PSAT1: variants seen among roughly 807,000 people sequenced by gnomAD.
PSAT1 encodes the protein phosphoserine aminotransferase 1.
PSAT1 carries 41 observed loss-of-function variants against 40.3 expected under a neutral mutation model. The observed-to-expected ratio is 1.02, with a 90% confidence interval of 0.79 to 1.32. The LOEUF is 1.32. PSAT1 is among the 40% of genes most tolerant of loss of function. The pLI, the probability that PSAT1 is intolerant of heterozygous loss-of-function variation, is 0.00. For synonymous variants in PSAT1, 147 were observed against 170.5 expected (o/e 0.86, Z 1.07); for missense variants, 406 against 455.8 (o/e 0.89, Z 0.99).
chr9:78,306,579 T>C (rs1828187965), intron 5 of PSAT1, 93 bp downstream of exon 5: 1 of 1,507,748 alleles, frequency 6.6e-7, no homozygotes. Flanking sequence ...ACCATGGGTG[T>C]TTGAGGCCTG....
chr9:78,324,556 T>C (rs545191706), intron 7 of PSAT1, among the ~76,000 whole-genome samples: 2 of 152,156 alleles, frequency 1.3e-5, no homozygotes, highest in South Asian at 2.1e-4. Context: ...ACTCCAGGGA[T>C]TGATTGCTCA....
At chr9:78,313,886 G>C (rs1196628183) in intron 6 of PSAT1, among the ~76,000 whole-genome samples, 2 of 152,110 alleles carry the variant, frequency 1.3e-5, no homozygotes, top group Admixed American at 1.3e-4. Flanking sequence ...GCCTCAAGCT[G>C]TCCTCCCACA....
intron 3 of PSAT1, 149 bp from the exon 4 acceptor site, chr9:78,304,586 T>C (rs1212394583): frequency 2.6e-6 from 2 of 772,662 alleles, no homozygotes; most frequent in Non-Finnish European, 4.5e-6. Flanking sequence ...AATAAATGAG[T>C]GAATTAGGGA....
chr9:78,329,125 A>T lies in PSAT1; in HGVS notation c.*39A>T, dbSNP rs375713892. The T allele has an allele frequency of 2.8e-6, 4 of 1,444,250 alleles. No homozygotes were observed. The highest frequency in any genetic ancestry group is 3.9e-6 in the Non-Finnish European group (4 of 1,027,116). The allele number at this position is 1,444,250 out of a possible 1,614,324, so 89.5% of individuals were successfully genotyped here. On this transcript the variant is annotated 3_prime_UTR_variant, in exon 9 of 9. Transcript: ENST00000376588. ...AGGATATACTCTGTTCTTGAACAAC[A>T]TACAAAGTTTAAAGTAACTTGGGGA...
chr9:78,326,119 TC>T (rs1362613934), intron 7 of PSAT1, among the ~76,000 whole-genome samples: 2 of 152,208 alleles, frequency 1.3e-5, no homozygotes, highest in East Asian at 3.9e-4. Flanking sequence ...CATATTTGTT[TC>T]CCCCTTTGGC....
chr9:78,313,732 A>G (rs1828300374), intron 6 of PSAT1, among the ~76,000 whole-genome samples: 1 of 152,042 alleles, frequency 6.6e-6, no homozygotes. Context: ...GAAACCGCAA[A>G]CTCGTAGGCT....
intron 1 of PSAT1, among the ~76,000 whole-genome samples, chr9:78,300,170 C>T (rs963977212): frequency 3.3e-5 from 5 of 152,178 alleles, no homozygotes; most frequent in Admixed American, 2.6e-4. Context: ...TTCCTGCCCA[C>T]CCCACGCTTC....
In PSAT1 at chr9:78,313,331, C is replaced by T. The variant is rs543529511; in HGVS notation, c.741-4345C>T. On this transcript the variant is annotated intron_variant, in intron 6 of 8. Coordinates refer to ENST00000376588, the MANE Select transcript of PSAT1 (RefSeq NM_058179.4). ...AGTGAGCTGAGATCGTGCCACTGCA[C>T]TCCAGCCGGGGTGACAGCAAAACTC... Among the ~76,000 whole-genome samples, 98 of 152,340 alleles carry T rather than the reference C, an allele frequency of 6.4e-4. 1 individual carries two copies. Among genetic ancestry groups the T allele is most frequent in the African/African-American group, 2.3e-3 (96 of 41,580 alleles).
At chr9:78,307,381 A>T (rs72743783) in intron 5 of PSAT1, among the ~76,000 whole-genome samples, 3,465 of 152,360 alleles carry the variant, frequency 0.023, 68 homozygotes, top group South Asian at 0.04. Flanking sequence ...AGGTTCGTCC[A>T]TGTTGTACTG....
intron 7 of PSAT1, among the ~76,000 whole-genome samples, chr9:78,324,386 T>C (rs368209518): frequency 2.6e-4 from 40 of 152,248 alleles, no homozygotes; most frequent in African/African-American, 9.4e-4. Context: ...TGGTTCCCAC[T>C]TGGACTTTCT....
intron 4 of PSAT1, 72 bp from the exon 5 acceptor site, chr9:78,306,242 G>A: frequency 6.5e-7 from 1 of 1,538,892 alleles, no homozygotes; most frequent in Non-Finnish European, 9.0e-7. Context: ...TCAGTCTCCT[G>A]GTTGACTCCC....
intron 7 of PSAT1, among the ~76,000 whole-genome samples, chr9:78,325,375 C>T (rs1436554672): frequency 6.6e-6 from 1 of 152,234 alleles, no homozygotes; most frequent in Non-Finnish European, 1.5e-5. Context: ...GATTACTCCT[C>T]ATTGCTCAAG....
chr9:78,302,788 G>C (rs116713438), intron 3 of PSAT1, among the ~76,000 whole-genome samples: 4,178 of 149,750 alleles, frequency 0.028, 165 homozygotes, highest in African/African-American at 0.088. Context: ...ACTTAGTCCT[G>C]CTGAATCAGA....
At chr9:78,327,931 GT>G in intron 7 of PSAT1, 119 bp from the exon 8 acceptor site, 1 of 1,151,292 alleles carries the variant, frequency 8.7e-7, no homozygotes, top group Non-Finnish European at 1.3e-6. Flanking sequence ...TTTGTTTTTT[GT>G]TTTTTAAAAA....
chr9:78,329,204 ATTC>A lies in PSAT1; in HGVS notation c.*124_*126del. 1 of 764,340 alleles carries A rather than the reference ATTC, an allele frequency of 1.3e-6. No individual in the cohort carries two copies. Among genetic ancestry groups the A allele is most frequent in the Non-Finnish European group, 2.3e-6 (1 of 439,346 alleles). The allele number at this position is 764,340 out of a possible 1,614,324, so 47.3% of individuals were successfully genotyped here. The stretch of plus-strand genomic sequence containing the variant: ...TCTCAAATGAACATGTTTATTGCAG[ATTC>A]TTCTTTTTTGAAAGAACAACAGCAA... On this transcript the variant is annotated 3_prime_UTR_variant, in exon 9 of 9. Transcript: ENST00000376588.
chr9:78,318,174 T>C (rs981791342), intron 7 of PSAT1, among the ~76,000 whole-genome samples: 3 of 152,260 alleles, frequency 2.0e-5, no homozygotes, highest in African/African-American at 7.2e-5. Flanking sequence ...TAAGGACTCC[T>C]GTTAGCGATC....
At chr9:78,304,968 T>G in intron 4 of PSAT1, 28 bp downstream of exon 4, 1 of 1,605,452 alleles carries the variant, frequency 6.2e-7, no homozygotes, top group Non-Finnish European at 8.5e-7. Context: ...AGCTGGGTGG[T>G]GACGTGCTCA....
chr9:78,306,379 G>C lies in PSAT1; in HGVS notation c.463G>C (p.Glu155Gln), dbSNP rs369153467. The part of the protein sequence containing the change: ...DASYVYYCAN[E>Q]TVHGVEFDFI... Reference sequence around the variant, plus strand: ...CTCCTACGTGTATTATTGCGCAAATGAGACGGTGCATGGTGTGGAGTTTGA... The same window carrying C: ...CTCCTACGTGTATTATTGCGCAAATCAGACGGTGCATGGTGTGGAGTTTGA... The change falls in exon 5 of 9, where the codon GAG (glutamate) becomes CAG (glutamine). Residue 155 changes from glutamate to glutamine, a missense_variant. Physicochemically the swap from Glu to Gln is conservative, Grantham distance 29. Transcript: ENST00000376588. 7.4e-6 allele frequency: 12 copies of C among 1,613,536 alleles called. No individual in the cohort carries two copies. Among genetic ancestry groups the C allele is most frequent in the Non-Finnish European group, 1.0e-5 (12 of 1,180,034 alleles).
intron 6 of PSAT1, among the ~76,000 whole-genome samples, chr9:78,311,988 C>T (rs1283764028): frequency 2.0e-5 from 3 of 151,932 alleles, no homozygotes; most frequent in African/African-American, 7.3e-5. Context: ...GTACCTGGAG[C>T]CCTTCAGAAC....
Sources: gnomAD v4.1 joint callset for allele counts (sites outside exome capture counted in the v4.1 genomes callset) on GRCh38, gnomAD v4.1.1 for gene constraint, MANE v1.5 for transcripts, NCBI Gene and HGNC (gene_info 2026-07-23, HGNC 2026-07-21) for gene names.